MYO16: variants seen among roughly 807,000 people sequenced by gnomAD.
MYO16 encodes the protein unconventional myosin-XVI.
Under a neutral mutation model 205.3 loss-of-function variants are expected in MYO16, and 94 were observed. The ratio of observed to expected loss-of-function variants is 0.46; its 90% CI spans 0.39 to 0.54. MYO16 has a LOEUF of 0.54. Ranked by LOEUF, MYO16 falls within the 20% of genes least tolerant of loss-of-function variation. The pLI is 0.00. For synonymous variants in MYO16, 988 were observed against 954.0 expected (o/e 1.04, Z -0.66); for missense variants, 2,315 against 2,387.5 (o/e 0.97, Z 0.63).
At chr13:109,007,646 G>A (rs931351206) in intron 21 of MYO16, among the ~76,000 whole-genome samples, 7 of 151,480 alleles carry the variant, frequency 4.6e-5, no homozygotes, top group Admixed American at 2.0e-4. Flanking sequence ...CGGATTTTGC[G>A]CTGGTTAGAT....
chr13:108,549,343 C>A, the MYO16 span, among the ~76,000 whole-genome samples: 1 of 151,850 alleles, frequency 6.6e-6, no homozygotes, highest in Non-Finnish European at 1.5e-5. Flanking sequence ...CATCCAGAAG[C>A]TGGAAAAGGC....
At chr13:108,550,798 G>T in the MYO16 span, among the ~76,000 whole-genome samples, 1 of 152,118 alleles carries the variant, frequency 6.6e-6, no homozygotes, top group African/African-American at 2.4e-5. Context: ...TATTGCATTT[G>T]GGAGAAAAGC....
rs570871061 is a variant in MYO16 at position 109,021,242 on chromosome 13, G to T, written c.2796+1331G>T. Among the ~76,000 whole-genome samples the T allele has an allele frequency of 3.3e-5, 5 of 152,244 alleles. No homozygotes were observed. In the East Asian group the frequency reaches 7.7e-4, roughly 23 times the overall value. On this transcript the variant is annotated intron_variant, in intron 23 of 34. Coordinates refer to ENST00000457511, the MANE Select transcript of MYO16 (RefSeq NM_001198950.3). ...GACTCTAAATTGAACTTTCAGGAAT[G>T]ACATTAAAAGCACACCACAGAAAAG...
intron 10 of MYO16, among the ~76,000 whole-genome samples, chr13:108,852,511 G>T (rs1158438051): frequency 6.6e-6 from 1 of 152,168 alleles, no homozygotes; most frequent in African/African-American, 2.4e-5. Flanking sequence ...AACAATGAAT[G>T]CCAAAATTTT....
chr13:108,708,072 A>G (rs747048969), intron 2 of MYO16, among the ~76,000 whole-genome samples: 2 of 152,190 alleles, frequency 1.3e-5, no homozygotes, highest in Non-Finnish European at 2.9e-5. Context: ...AGGGGGTGAT[A>G]ATAAAAAACA....
the MYO16 span, among the ~76,000 whole-genome samples, chr13:108,516,145 C>T: frequency 1.1e-3 from 172 of 152,056 alleles, no homozygotes; most frequent in African/African-American, 3.9e-3. Context: ...GGGCGTAGGA[C>T]CCTCTGAGCC....
chr13:108,783,044 G>A (rs999666705), intron 4 of MYO16, among the ~76,000 whole-genome samples: 1 of 152,154 alleles, frequency 6.6e-6, no homozygotes, highest in Non-Finnish European at 1.5e-5. Context: ...TAGTGGAGCT[G>A]TGAGAAGATG....
chr13:108,827,268 A>G, intron 9 of MYO16, among the ~76,000 whole-genome samples: 1 of 151,844 alleles, frequency 6.6e-6, no homozygotes. Context: ...CCCAGAATAT[A>G]TTTTGCTACA....
At chr13:109,041,094 C>T (rs780676966) in intron 23 of MYO16, among the ~76,000 whole-genome samples, 6 of 152,058 alleles carry the variant, frequency 3.9e-5, no homozygotes, top group African/African-American at 9.7e-5. Flanking sequence ...GTGAACCATA[C>T]AATTACATTT....
chr13:109,073,152 A>C (rs1394556534), intron 27 of MYO16, among the ~76,000 whole-genome samples: 1 of 149,736 alleles, frequency 6.7e-6, no homozygotes, highest in African/African-American at 2.5e-5. Context: ...CCCAGGCTGC[A>C]GTGTAGTGGC....
chr13:108,831,144 A>T (rs1212672262), intron 9 of MYO16, among the ~76,000 whole-genome samples: 1 of 152,166 alleles, frequency 6.6e-6, no homozygotes, highest in South Asian at 2.1e-4. Flanking sequence ...TAAAACCCCT[A>T]CTTCTTAATG....
chr13:108,757,521 C>T (rs1333745491), intron 4 of MYO16, among the ~76,000 whole-genome samples: 1 of 151,878 alleles, frequency 6.6e-6, no homozygotes, highest in Non-Finnish European at 1.5e-5. Context: ...GGTACATGTA[C>T]ACAACGTGCA....
chr13:108,589,876 A>G, the MYO16 span, among the ~76,000 whole-genome samples: 1 of 152,182 alleles, frequency 6.6e-6, no homozygotes, highest in African/African-American at 2.4e-5. Context: ...ATATATCACC[A>G]TGGGCAAGTC....
intron 7 of MYO16, among the ~76,000 whole-genome samples, chr13:108,819,045 T>C (rs919934009): frequency 7.2e-5 from 11 of 152,170 alleles, no homozygotes; most frequent in African/African-American, 2.7e-4. Flanking sequence ...GAAAAAAATA[T>C]ATTAGCACTA....
At chr13:109,064,484 G>A (rs1192624240) in intron 27 of MYO16, among the ~76,000 whole-genome samples, 1 of 152,174 alleles carries the variant, frequency 6.6e-6, no homozygotes, top group South Asian at 2.1e-4. Context: ...AATATGTTCT[G>A]TAGAACAAAA....
chr13:109,199,253 C>T (rs1880311001), intron 34 of MYO16, among the ~76,000 whole-genome samples: 2 of 133,068 alleles, frequency 1.5e-5, no homozygotes, highest in Admixed American at 8.0e-5. Context: ...GTCATTTTGC[C>T]TCGCTCCATC....
At chr13:109,206,533 G>A (rs1880603743) in intron 34 of MYO16, 76 bp from the exon 35 acceptor site, 1 of 1,074,326 alleles carries the variant, frequency 9.3e-7, no homozygotes, top group Admixed American at 1.9e-5. Flanking sequence ...TTTGTATCCA[G>A]GTGTTGCTAT....
chr13:108,752,185 G>A (rs1161467257), intron 4 of MYO16, among the ~76,000 whole-genome samples: 3 of 152,168 alleles, frequency 2.0e-5, no homozygotes, highest in Non-Finnish European at 4.4e-5. Context: ...ATTTTTAAAT[G>A]TGGGTTTTCC....
At chr13:108,997,767 G>A (rs1428194318) in intron 21 of MYO16, among the ~76,000 whole-genome samples, 2 of 152,286 alleles carry the variant, frequency 1.3e-5, no homozygotes, top group East Asian at 3.9e-4. Flanking sequence ...GAAACCAGAA[G>A]GCGGAGGTTG....
Sources: allele counts gnomAD v4.1 joint callset (sites outside exome capture counted in the v4.1 genomes callset), GRCh38; gene constraint gnomAD v4.1.1; transcripts MANE v1.5; gene names NCBI Gene and HGNC (gene_info 2026-07-23, HGNC 2026-07-21).